DLG5: variants seen among roughly 807,000 people sequenced by gnomAD.
DLG5 encodes the protein disks large homolog 5.
In DLG5, 48 loss-of-function variants were observed where a neutral mutation model predicts 189.8. The ratio of observed to expected loss-of-function variants is 0.25; its 90% CI spans 0.20 to 0.32. The LOEUF is 0.32. Ranked by LOEUF, DLG5 falls within the 10% of genes least tolerant of loss-of-function variation. DLG5 has a pLI of 1.00. For missense variants in DLG5, 2,160 were observed against 2,544.7 expected (o/e 0.85, Z 3.25); for synonymous variants, 1,016 against 1,054.1 (o/e 0.96, Z 0.70).
intron 1 of DLG5, among the ~76,000 whole-genome samples, chr10:77,885,733 C>T (rs1300280301): frequency 6.6e-6 from 1 of 152,196 alleles, no homozygotes; most frequent in African/African-American, 2.4e-5. Context: ...AGAGTTGAAT[C>T]TGCATTTTCT....
chr10:77,871,550 T>TTTTC (rs1404767038), intron 1 of DLG5, among the ~76,000 whole-genome samples: 19 of 142,242 alleles, frequency 1.3e-4, no homozygotes, highest in African/African-American at 5.0e-4. Context: ...TTTTTTTTTT[T>TTTTC]TTTTTTTTTT....
Position 77,819,995 on chromosome 10 carries a change from A to G in DLG5, c.3426T>C (p.Ser1142=), listed in dbSNP as rs1247837391. The change falls in exon 16 of 32, where the codon AGT becomes AGC. Residue 1142 remains serine, a synonymous_variant. Transcript: ENST00000372391. ...CCTGGAGCTCCGGGGAGAGTTCTCC[A>G]CTGGCCGGGACACACTTCTGTTCCT... ...FLEEQKCVPA[S]GELSPELQEW... is the part of the protein sequence containing the mutation. The G allele has an allele frequency of 6.2e-7, 1 of 1,613,336 alleles. No homozygotes were observed. Among genetic ancestry groups the G allele is most frequent in the Admixed American group, 1.7e-5 (1 of 59,968 alleles).
intron 13 of DLG5, among the ~76,000 whole-genome samples, chr10:77,828,069 A>G (rs558207871): frequency 6.7e-6 from 1 of 149,280 alleles, no homozygotes; most frequent in African/African-American, 2.4e-5. Context: ...ATTTAAAAAT[A>G]AGTATTACAT....
intron 10 of DLG5, 69 bp from the exon 11 acceptor site, chr10:77,830,413 C>A: frequency 1.2e-6 from 2 of 1,602,504 alleles, no homozygotes; most frequent in Non-Finnish European, 1.7e-6. Context: ...TCTTAAGCCC[C>A]GAAGCTGCCC....
intron 1 of DLG5, among the ~76,000 whole-genome samples, chr10:77,901,792 C>T (rs897051214): frequency 1.3e-5 from 2 of 152,192 alleles, no homozygotes; most frequent in Admixed American, 6.5e-5. Context: ...TGGAGCAGCC[C>T]AAGGTCCCCC....
intron 1 of DLG5, among the ~76,000 whole-genome samples, chr10:77,896,121 C>T (rs187462970): frequency 6.9e-6 from 1 of 144,790 alleles, no homozygotes; most frequent in East Asian, 2.1e-4. Flanking sequence ...GATCCCGCCA[C>T]AGCACTCCAG....
chr10:77,920,747 G>A (rs114305977), intron 1 of DLG5, among the ~76,000 whole-genome samples: 2,774 of 152,238 alleles, frequency 0.018, 85 homozygotes, highest in African/African-American at 0.063. Context: ...CTGGTCAGGG[G>A]CTGTGAACCT....
rs78325441 is a variant in DLG5 at position 77,875,850 on chromosome 10, C to T, written c.305-6653G>A. On this transcript the variant is annotated intron_variant, in intron 1 of 31. Coordinates refer to ENST00000372391, the MANE Select transcript of DLG5 (RefSeq NM_004747.4). ...AGAAAAGAAAAAACTACACTCAGGG[C>T]AGCCCCAGCCCCTCCCTAGGGGCTC... Among the ~76,000 whole-genome samples, 216 of 152,006 alleles carry T rather than the reference C, an allele frequency of 1.4e-3. 4 individuals carry two copies. The highest frequency in any genetic ancestry group is 0.014 in the East Asian group (72 of 5,142).
the DLG5 span, among the ~76,000 whole-genome samples, chr10:77,934,855 T>G: frequency 0.13 from 18,553 of 147,626 alleles, 2,945 homozygotes; most frequent in African/African-American, 0.38. Context: ...TTTTTTTGTT[T>G]TTTTGTTTTT....
rs1840935822 is a variant in DLG5, at chr10:77,796,603, G to C, written c.5165-9C>G. On this transcript the variant is annotated splice_polypyrimidine_tract_variant and intron_variant, in intron 27 of 31. Coordinates refer to ENST00000372391, the MANE Select transcript of DLG5 (RefSeq NM_004747.4). The surrounding 1 kb of genome is among the most constrained non-coding windows in gnomAD (Gnocchi z 5.2). The stretch of plus-strand genomic sequence containing the variant: ...GGCCAGGCTCACCGAATCTGAGGGA[G>C]AGAGAGCAGCAGCGTCACGGACCCA... 6.2e-7 allele frequency: 1 copy of C among 1,613,610 alleles called. No homozygotes were observed. Among genetic ancestry groups the C allele is most frequent in the African/African-American group, 1.3e-5 (1 of 74,928 alleles).
Position 77,834,064 on chromosome 10 carries a change from G to T in DLG5, c.1623-25C>A, listed in dbSNP as rs749681154. 34 of 1,601,990 alleles carry T rather than the reference G, an allele frequency of 2.1e-5. No individual in the cohort carries two copies. The South Asian group carries it at 3.8e-4, about 18-fold the overall frequency. On this transcript the variant is annotated intron_variant, in intron 8 of 31. Transcript: ENST00000372391. ...CCTGGTGGAAGGAGCAGAGGACAAGGTCATCTCAAGAGGCATGGGGAAGGG... is the reference window on the plus strand; with the variant it reads ...CCTGGTGGAAGGAGCAGAGGACAAGTTCATCTCAAGAGGCATGGGGAAGGG...
At chr10:77,812,192 G>T in intron 21 of DLG5, 23 bp downstream of exon 21, 1 of 1,606,668 alleles carries the variant, frequency 6.2e-7, no homozygotes. Context: ...TGGGCGCCAT[G>T]CAGGAGGGCA....
chr10:77,864,307 T>A (rs764427133), intron 2 of DLG5, among the ~76,000 whole-genome samples: 1 of 152,144 alleles, frequency 6.6e-6, no homozygotes, highest in African/African-American at 2.4e-5. Flanking sequence ...CAGAGAGATG[T>A]CCAGGTAAAC....
At chr10:77,831,281 T>C (rs983288896) in intron 9 of DLG5, among the ~76,000 whole-genome samples, 1 of 152,090 alleles carries the variant, frequency 6.6e-6, no homozygotes, top group Non-Finnish European at 1.5e-5. Flanking sequence ...GGCATGTGCC[T>C]GTAACCTCGG....
In DLG5 at chr10:77,792,032, G is replaced by A. The variant is rs1051183478; in HGVS notation, c.*408C>T. The A allele has an allele frequency of 9.3e-5, 17 of 183,642 alleles. No individual in the cohort carries two copies. The highest frequency in any genetic ancestry group is 1.8e-4 in the Non-Finnish European group (16 of 88,076). The allele number at this position is 183,642 out of a possible 1,614,324, so 11.4% of individuals were successfully genotyped here. On this transcript the variant is annotated 3_prime_UTR_variant, in exon 32 of 32. Coordinates refer to ENST00000372391, the MANE Select transcript of DLG5 (RefSeq NM_004747.4). ...AACGAAACCAACACCAAAGCGACAG[G>A]GGGTTGACAGAGGGGACAGGGGCTG...
intron 1 of DLG5, among the ~76,000 whole-genome samples, chr10:77,899,916 C>T (rs115946031): frequency 3.5e-4 from 53 of 152,302 alleles, no homozygotes; most frequent in African/African-American, 1.3e-3. Context: ...CCAAACATAA[C>T]AGCAAATGGA....
At position 77,862,758 on chromosome 10, in the gene DLG5, G is replaced by A. The variant is rs145567593; in HGVS notation, c.374-5866C>T. ...AGGGATGAATGACTAATACAACTGC[G>A]GACACACACAGGGTGTGGGGGAAGC... On this transcript the variant is annotated intron_variant, in intron 2 of 31. Transcript: ENST00000372391. Among the ~76,000 whole-genome samples, 369 of 152,246 alleles carry A rather than the reference G, an allele frequency of 2.4e-3. 2 individuals carry two copies. The highest frequency in any genetic ancestry group is 0.023 in the South Asian group (113 of 4,820).
intron 1 of DLG5, among the ~76,000 whole-genome samples, chr10:77,880,962 CTTTTTTTTTTTT>C (rs61636782): frequency 5.5e-5 from 4 of 73,238 alleles, no homozygotes; most frequent in Non-Finnish European, 7.1e-5. Context: ...AACCCTAGAC[CTTTTTTTTTTTT>C]TTTTTTTTTT....
intron 13 of DLG5, among the ~76,000 whole-genome samples, chr10:77,825,374 C>CACACACACACA (rs1554816035): frequency 1.5e-5 from 2 of 130,816 alleles, no homozygotes; most frequent in South Asian, 2.7e-4. Flanking sequence ...CCACACACAA[C>CACACACACACA]CACACACACA....
Sources: allele counts gnomAD v4.1 joint callset (sites outside exome capture counted in the v4.1 genomes callset), GRCh38; gene constraint gnomAD v4.1.1; non-coding constraint Gnocchi (gnomAD v3.1); transcripts MANE v1.5; gene names NCBI Gene and HGNC (gene_info 2026-07-23, HGNC 2026-07-21).